Variants in NKAIN3 observed in about 807,000 individuals in gnomAD.
The protein encoded by NKAIN3 is sodium/potassium transporting ATPase interacting 3.
In NKAIN3, 25 loss-of-function variants were observed where a neutral mutation model predicts 30.2. That is an observed-to-expected ratio of 0.83 (90% CI 0.60 to 1.16). The LOEUF (loss-of-function observed/expected upper bound fraction) is 1.16. NKAIN3 is among the 50% of genes most tolerant of loss of function. The pLI is 0.00. For missense variants in NKAIN3, 225 were observed against 254.1 expected, an observed-to-expected ratio of 0.89 and a Z score of 0.78; for synonymous variants, 91 against 89.6, an observed-to-expected ratio of 1.02 and a Z score of -0.09.
At position 62,970,514 on chromosome 8, in the gene NKAIN3, C is replaced by A. The variant is rs370833750; in HGVS notation, c.*5107C>A. 6.6e-6 allele frequency among the ~76,000 whole-genome samples: 1 copy of A among 151,916 alleles called. No homozygotes were observed. The highest frequency in any genetic ancestry group is 2.1e-4 in the South Asian group (1 of 4,822). On this transcript the variant is annotated 3_prime_UTR_variant, in exon 7 of 7. Transcript: ENST00000623646. ...TAAAGGGTAAAAATCATGTTAAATG[C>A]TAAACATTTTTAAAAACTGAAATAT...
chr8:62,857,142 C>T (rs1259893095), intron 4 of NKAIN3: 1 of 354,752 alleles, frequency 2.8e-6, no homozygotes, highest in Non-Finnish European at 5.4e-6. Context: ...GAAATTCTTT[C>T]CTTTAAGAAT....
intron 1 of NKAIN3, among the ~76,000 whole-genome samples, chr8:62,318,177 G>T (rs1231618044): frequency 6.6e-6 from 1 of 152,084 alleles, no homozygotes; most frequent in Non-Finnish European, 1.5e-5. Context: ...GGAGATTTTG[G>T]GCTGAGAAGA....
chr8:62,347,702 G>C (rs1488887708), intron 1 of NKAIN3, among the ~76,000 whole-genome samples: 1 of 152,040 alleles, frequency 6.6e-6, no homozygotes, highest in Non-Finnish European at 1.5e-5. Flanking sequence ...TTGAAAAAAT[G>C]TTAAAAAATT....
At chr8:62,433,061 T>C (rs1389246557) in intron 1 of NKAIN3, among the ~76,000 whole-genome samples, 1 of 152,196 alleles carries the variant, frequency 6.6e-6, no homozygotes, top group African/African-American at 2.4e-5. Context: ...CCAAAGCATT[T>C]TATGTTTGTA....
At chr8:62,388,832 A>G (rs905410915) in intron 1 of NKAIN3, among the ~76,000 whole-genome samples, 52 of 152,220 alleles carry the variant, frequency 3.4e-4, no homozygotes, top group African/African-American at 1.2e-3. Context: ...ATTGGCCTCC[A>G]GGGTTTTAGT....
intron 2 of NKAIN3, among the ~76,000 whole-genome samples, chr8:62,589,004 C>T (rs1810568775): frequency 6.6e-6 from 1 of 151,728 alleles, no homozygotes; most frequent in African/African-American, 2.4e-5. Flanking sequence ...TTAAGACCGA[C>T]TAATACTCTG....
chr8:62,252,761 G>A (rs548461699), intron 1 of NKAIN3, among the ~76,000 whole-genome samples: 1 of 152,152 alleles, frequency 6.6e-6, no homozygotes, highest in South Asian at 2.1e-4. Context: ...TTTTTGTAAG[G>A]ATACTTTCAG....
chr8:62,678,403 C>A (rs900785028), intron 3 of NKAIN3, among the ~76,000 whole-genome samples: 20 of 152,072 alleles, frequency 1.3e-4, no homozygotes, highest in African/African-American at 3.9e-4. Context: ...ATGCAATCTT[C>A]GAAATAGATG....
chr8:62,582,465 G>T (rs372776660), intron 2 of NKAIN3, among the ~76,000 whole-genome samples: 1 of 152,212 alleles, frequency 6.6e-6, no homozygotes, highest in East Asian at 1.9e-4. Context: ...TGTCTAATGG[G>T]GTATCTGCCT....
chr8:62,558,071 A>G (rs910389756), intron 1 of NKAIN3, among the ~76,000 whole-genome samples: 21 of 152,046 alleles, frequency 1.4e-4, no homozygotes, highest in African/African-American at 5.1e-4. Context: ...ACCCATCTTG[A>G]GTTGATTTTT....
chr8:62,591,153 T>C (rs1040343028), intron 3 of NKAIN3, among the ~76,000 whole-genome samples: 1 of 151,968 alleles, frequency 6.6e-6, no homozygotes, highest in African/African-American at 2.4e-5. Flanking sequence ...TAATCATATT[T>C]TTTATTTCAC....
At chr8:62,534,055 A>C (rs1808570925) in intron 1 of NKAIN3, among the ~76,000 whole-genome samples, 1 of 152,038 alleles carries the variant, frequency 6.6e-6, no homozygotes, top group Non-Finnish European at 1.5e-5. Context: ...GGGTAGGCTG[A>C]GCTCTTCCCA....
At chr8:62,417,927 A>T (rs891441385) in intron 1 of NKAIN3, among the ~76,000 whole-genome samples, 4 of 152,220 alleles carry the variant, frequency 2.6e-5, no homozygotes, top group African/African-American at 7.2e-5. Context: ...ATACAATCAA[A>T]AAAGAGAGGA....
At chr8:62,252,090 G>C (rs1419983875) in intron 1 of NKAIN3, among the ~76,000 whole-genome samples, 1 of 152,068 alleles carries the variant, frequency 6.6e-6, no homozygotes, top group Non-Finnish European at 1.5e-5. Flanking sequence ...TCATAGGATA[G>C]GGATCCCTGT....
At chr8:62,400,460 T>C (rs1585765519) in intron 1 of NKAIN3, among the ~76,000 whole-genome samples, 1 of 152,110 alleles carries the variant, frequency 6.6e-6, no homozygotes, top group Non-Finnish European at 1.5e-5. Context: ...GCATGAGTCA[T>C]GACACCTGGT....
At chr8:62,894,745 G>A (rs4412364) in intron 4 of NKAIN3, among the ~76,000 whole-genome samples, 117,556 of 152,132 alleles carry the variant, frequency 0.77, 46,267 homozygotes, top group East Asian at 0.93. Context: ...CTCTCATGTC[G>A]AAGAGGTCTG....
intron 1 of NKAIN3, among the ~76,000 whole-genome samples, chr8:62,272,901 G>A (rs545122241): frequency 1.3e-5 from 2 of 152,126 alleles, no homozygotes; most frequent in African/African-American, 4.8e-5. Context: ...CACATAAACT[G>A]TTGTCAGTCT....
chr8:62,951,777 A>G (rs1823290884), intron 5 of NKAIN3, among the ~76,000 whole-genome samples: 1 of 151,790 alleles, frequency 6.6e-6, no homozygotes, highest in Non-Finnish European at 1.5e-5. Context: ...ATAAGCCTTT[A>G]TTTTATTTCA....
intron 1 of NKAIN3, among the ~76,000 whole-genome samples, chr8:62,285,278 G>A (rs1360035982): frequency 1.3e-5 from 2 of 152,100 alleles, no homozygotes; most frequent in East Asian, 1.9e-4. Flanking sequence ...TGCTTCTATT[G>A]GGTTGTATAT....
Sources: gnomAD v4.1 joint callset for allele counts (sites outside exome capture counted in the v4.1 genomes callset) on GRCh38, gnomAD v4.1.1 for gene constraint, MANE v1.5 for transcripts, NCBI Gene and HGNC (gene_info 2026-07-23, HGNC 2026-07-21) for gene names.